RANBP2: variants seen among roughly 807,000 people sequenced by gnomAD.
RANBP2 encodes the protein RAN binding protein 2.
A neutral mutation model predicts 303.6 loss-of-function variants in RANBP2; 57 were observed. The observed-to-expected ratio is 0.19, with a 90% confidence interval of 0.15 to 0.23. The LOEUF is 0.23. Among genes scored for constraint, RANBP2 ranks in the 10% least tolerant of loss-of-function variants. RANBP2 has a pLI of 1.00. For missense variants in RANBP2, 3,138 were observed against 3,780.8 expected, an observed-to-expected ratio of 0.83 and a Z score of 4.46; for synonymous variants, 1,167 against 1,301.5, an observed-to-expected ratio of 0.90 and a Z score of 2.23.
the RANBP2 span, chr2:108,798,647 A>G: frequency 2.3e-6 from 3 of 1,318,098 alleles, no homozygotes; most frequent in Non-Finnish European, 3.2e-6. Flanking sequence ...TAGATTCACT[A>G]GTTACTAACA....
At chr2:109,665,516 T>C in the RANBP2 span, 1 of 152,008 alleles carries the variant, frequency 6.6e-6, no homozygotes, top group African/African-American at 2.4e-5. Flanking sequence ...TAATTTTGTA[T>C]TTTTAGTAGA....
chr2:109,090,368 T>C, the RANBP2 span, among the ~76,000 whole-genome samples: 8 of 151,378 alleles, frequency 5.3e-5, no homozygotes, highest in Non-Finnish European at 1.2e-4. Flanking sequence ...ACCACGTCTA[T>C]GGAATTTTCA....
the RANBP2 span, among the ~76,000 whole-genome samples, chr2:109,068,014 A>C: frequency 2.0e-5 from 3 of 152,136 alleles, no homozygotes; most frequent in Admixed American, 2.0e-4. Flanking sequence ...GCACATCCCC[A>C]CACACCTGCC....
At chr2:109,609,694 T>C in the RANBP2 span, among the ~76,000 whole-genome samples, 1 of 150,724 alleles carries the variant, frequency 6.6e-6, no homozygotes, top group African/African-American at 2.4e-5. Context: ...ATGAGAAGCC[T>C]CTTAGATACG....
the RANBP2 span, among the ~76,000 whole-genome samples, chr2:108,858,985 A>G: frequency 6.6e-6 from 1 of 152,174 alleles, no homozygotes; most frequent in African/African-American, 2.4e-5. Flanking sequence ...AATAAGCATG[A>G]GAGTGCAGGT....
chr2:109,515,238 C>T, the RANBP2 span, among the ~76,000 whole-genome samples: 2 of 152,092 alleles, frequency 1.3e-5, no homozygotes, highest in Admixed American at 6.5e-5. Flanking sequence ...CCCATGATGG[C>T]GAGCTTGGCA....
the RANBP2 span, among the ~76,000 whole-genome samples, chr2:109,167,756 A>G: frequency 2.0e-5 from 3 of 152,068 alleles, no homozygotes; most frequent in Non-Finnish European, 4.4e-5. Flanking sequence ...TATTTTTAGT[A>G]GAGGTGGGAT....
the RANBP2 span, among the ~76,000 whole-genome samples, chr2:109,520,949 G>T: frequency 5.3e-5 from 8 of 151,208 alleles, no homozygotes; most frequent in South Asian, 2.1e-4. Flanking sequence ...AAAAAAAAAG[G>T]CCGGGCGCGG....
At chr2:109,674,424 A>AAG in the RANBP2 span, among the ~76,000 whole-genome samples, 1 of 150,462 alleles carries the variant, frequency 6.6e-6, no homozygotes, top group East Asian at 2.0e-4. Context: ...AAAAAAAAAA[A>AAG]AAAAAAAAAA....
At chr2:109,538,088 C>T in the RANBP2 span, among the ~76,000 whole-genome samples, 1 of 152,212 alleles carries the variant, frequency 6.6e-6, no homozygotes, top group East Asian at 1.9e-4. Context: ...TCTGGAGGCT[C>T]TAGGTGGACA....
the RANBP2 span, among the ~76,000 whole-genome samples, chr2:109,214,387 TAG>T: frequency 3.3e-5 from 5 of 150,578 alleles, no homozygotes; most frequent in African/African-American, 7.4e-5. Context: ...GTGTGCTGTG[TAG>T]AGAGTTCTTG....
the RANBP2 span, among the ~76,000 whole-genome samples, chr2:109,077,546 CA>C: frequency 0.45 from 67,403 of 149,692 alleles, 17,199 homozygotes; most frequent in Non-Finnish European, 0.49. Flanking sequence ...GGAGAAAATA[CA>C]ACCCATATAT....
chr2:109,498,093 C>G, the RANBP2 span, among the ~76,000 whole-genome samples: 5 of 152,178 alleles, frequency 3.3e-5, no homozygotes, highest in Non-Finnish European at 4.4e-5. Flanking sequence ...GGAGGGCCAG[C>G]AGGAAGCCCT....
At chr2:109,675,564 C>T in the RANBP2 span, among the ~76,000 whole-genome samples, 2 of 152,136 alleles carry the variant, frequency 1.3e-5, no homozygotes, top group African/African-American at 4.8e-5. Context: ...CGCCTGTAAT[C>T]CCAGCTACTT....
chr2:108,955,886 G>A, the RANBP2 span, among the ~76,000 whole-genome samples: 19 of 151,864 alleles, frequency 1.3e-4, no homozygotes, highest in South Asian at 6.2e-4. Flanking sequence ...AAAATTAGCC[G>A]GGCATGGTGG....
the RANBP2 span, among the ~76,000 whole-genome samples, chr2:108,877,709 C>A: frequency 6.6e-6 from 1 of 151,948 alleles, no homozygotes; most frequent in Non-Finnish European, 1.5e-5. Flanking sequence ...GGAGCGGAAG[C>A]AATATTCAGA....
chr2:109,170,244 T>TTTCTCTTCTCTTCTC, the RANBP2 span, among the ~76,000 whole-genome samples: 136 of 32,938 alleles, frequency 4.1e-3, 2 homozygotes, highest in Non-Finnish European at 6.5e-3. Flanking sequence ...CTTCTTTTCT[T>TTTCTCTTCTCTTCTC]TTCTCTTCTC....
the RANBP2 span, among the ~76,000 whole-genome samples, chr2:108,981,730 G>C: frequency 6.6e-6 from 1 of 152,170 alleles, no homozygotes; most frequent in East Asian, 1.9e-4. Flanking sequence ...TCTCATTTCT[G>C]AACGAGCCCA....
At chr2:108,786,754 T>C, downstream of RANBP2, 2 of 1,435,658 alleles carry the variant, frequency 1.4e-6, no homozygotes, top group Non-Finnish European at 1.9e-6. Context: ...CGTGACGCAC[T>C]GCGGCCGCGT....
Sources: allele counts gnomAD v4.1 joint callset (sites outside exome capture counted in the v4.1 genomes callset), GRCh38; gene constraint gnomAD v4.1.1; transcripts MANE v1.5; gene names NCBI Gene and HGNC (gene_info 2026-07-23, HGNC 2026-07-21).